Variants in APBB2 observed in about 807,000 individuals in gnomAD.
The protein encoded by APBB2 is amyloid beta precursor protein binding family B member 2.
Under a neutral mutation model 82.5 loss-of-function variants are expected in APBB2, and 38 were observed. The observed-to-expected ratio is 0.46, with a 90% CI of 0.36 to 0.60. APBB2 has a LOEUF of 0.60. Among genes scored for constraint, APBB2 ranks in the 20% least tolerant of loss-of-function variants. The pLI, the probability that APBB2 is intolerant of heterozygous loss-of-function variation, is 0.00. For missense variants in APBB2, 772 were observed against 972.3 expected (o/e 0.79, Z 2.74); for synonymous variants, 341 against 368.2 (o/e 0.93, Z 0.85).
At chr4:41,049,824 C>T (rs1488167032) in intron 4 of APBB2, among the ~76,000 whole-genome samples, 1 of 152,184 alleles carries the variant, frequency 6.6e-6, no homozygotes. Context: ...TTACCCCCAA[C>T]CCGGTGCTCT....
rs1744132520 is a variant in APBB2, at chr4:40,810,177, T to G, written c.*5915A>C. On this transcript the variant is annotated 3_prime_UTR_variant, in exon 18 of 18. Coordinates refer to ENST00000508593, the MANE Select transcript of APBB2 (RefSeq NM_004307.2). ...GTCTACTTCAGCTCTGATATTCTAT[T>G]TTTACTTTCTTACTTGAAGTGAGAA... 6.6e-6 allele frequency: 1 copy of G among 152,210 alleles called. No homozygotes were observed. The highest frequency in any genetic ancestry group is 1.5e-5 in the Non-Finnish European group (1 of 68,034). The allele number at this position is 152,210 out of a possible 1,614,324, so 9.4% of individuals were successfully genotyped here.
Position 40,826,652 on chromosome 4 carries a change from T to C in APBB2, c.1732+480A>G, listed in dbSNP as rs78011873. The C allele has an allele frequency of 1.4e-3, 220 of 156,928 alleles. 2 individuals carry two copies. In the East Asian group the frequency reaches 0.02, roughly 14 times the overall value. The allele number at this position is 156,928 out of a possible 1,614,324, so 9.7% of individuals were successfully genotyped here. Reference sequence around the variant, plus strand: ...CACCGCGCCTGGCCCATGTTTTCTTTTTTTAAGATTAGTCAAGTATAGTAG... The same window carrying C: ...CACCGCGCCTGGCCCATGTTTTCTTCTTTTAAGATTAGTCAAGTATAGTAG... On this transcript the variant is annotated intron_variant, in intron 14 of 17. Coordinates refer to ENST00000508593, the MANE Select transcript of APBB2 (RefSeq NM_004307.2). This position sits in a 1 kb window ranked among gnomAD's most constrained non-coding sequence, Gnocchi z 4.5.
chr4:41,168,994 G>A (rs1048634848), intron 1 of APBB2, among the ~76,000 whole-genome samples: 3 of 151,938 alleles, frequency 2.0e-5, no homozygotes, highest in African/African-American at 4.8e-5. Context: ...AGACCATCCT[G>A]GCCAAGGTAG....
chr4:41,044,907 T>G (rs187321694), intron 4 of APBB2, among the ~76,000 whole-genome samples: 1 of 152,310 alleles, frequency 6.6e-6, no homozygotes, highest in East Asian at 1.9e-4. Flanking sequence ...TTAAAATGTA[T>G]CATTTGCACC....
intron 2 of APBB2, among the ~76,000 whole-genome samples, chr4:41,121,261 T>C (rs1261247094): frequency 6.6e-6 from 1 of 152,248 alleles, no homozygotes; most frequent in African/African-American, 2.4e-5. Flanking sequence ...CTAGCATCAG[T>C]AACATACGTG....
intron 5 of APBB2, among the ~76,000 whole-genome samples, chr4:41,029,867 G>T (rs1229670019): frequency 2.0e-5 from 3 of 152,102 alleles, no homozygotes; most frequent in Non-Finnish European, 2.9e-5. Flanking sequence ...CCCACAAAAA[G>T]AAGAGCTGGC....
intron 12 of APBB2, among the ~76,000 whole-genome samples, chr4:40,860,282 G>A (rs1180224464): frequency 3.3e-5 from 5 of 152,174 alleles, no homozygotes; most frequent in African/African-American, 4.8e-5. Context: ...GTGATCTGGG[G>A]TGGGCGCTTG....
intron 1 of APBB2, among the ~76,000 whole-genome samples, chr4:41,150,707 A>G (rs1290731308): frequency 6.6e-6 from 1 of 152,168 alleles, no homozygotes; most frequent in Non-Finnish European, 1.5e-5. Flanking sequence ...TCCTGAAAGA[A>G]TCTCTACAAC....
chr4:40,830,383 C>T (rs1375529125), intron 13 of APBB2, 80 bp downstream of exon 13: 4 of 935,584 alleles, frequency 4.3e-6, no homozygotes, highest in African/African-American at 3.3e-5. Context: ...TTGATGTGCC[C>T]ACTCCCCCGC....
chr4:40,957,992 C>T (rs961762310), intron 6 of APBB2, among the ~76,000 whole-genome samples: 3 of 152,162 alleles, frequency 2.0e-5, no homozygotes, highest in Non-Finnish European at 4.4e-5. Context: ...CCAAACACAA[C>T]ATAGTCAGGA....
chr4:41,069,200 G>T (rs542276353), intron 3 of APBB2, among the ~76,000 whole-genome samples: 1 of 152,142 alleles, frequency 6.6e-6, no homozygotes, highest in African/African-American at 2.4e-5. Context: ...GAGAGTAAAG[G>T]CAAGAAGGAA....
chr4:40,883,878 G>C (rs191788701), intron 12 of APBB2, among the ~76,000 whole-genome samples: 33 of 152,200 alleles, frequency 2.2e-4, no homozygotes, highest in African/African-American at 7.0e-4. Context: ...TTTTCTTAAT[G>C]CTTTGAAAAT....
chr4:40,994,483 A>G (rs771785538), intron 6 of APBB2, among the ~76,000 whole-genome samples: 1 of 152,086 alleles, frequency 6.6e-6, no homozygotes, highest in Non-Finnish European at 1.5e-5. Context: ...TGTCTCCCAA[A>G]CATAGTATGA....
chr4:40,874,519 G>A (rs6447496), intron 12 of APBB2, among the ~76,000 whole-genome samples: 5 of 151,938 alleles, frequency 3.3e-5, no homozygotes, highest in South Asian at 2.1e-4. Flanking sequence ...GGGGCAGGGC[G>A]GGGGGTGGAG....
chr4:41,093,478 C>A (rs915082940), intron 3 of APBB2, among the ~76,000 whole-genome samples: 2 of 152,084 alleles, frequency 1.3e-5, no homozygotes, highest in Admixed American at 1.3e-4. Context: ...TCCTAATGAA[C>A]CAGGTACATG....
chr4:40,880,257 T>C (rs1426783945), intron 12 of APBB2: 4 of 985,308 alleles, frequency 4.1e-6, no homozygotes, highest in Non-Finnish European at 4.8e-6. Context: ...CTCGACACAA[T>C]GAGACTCCTT....
At chr4:40,850,688 C>T (rs1260888673) in intron 12 of APBB2, among the ~76,000 whole-genome samples, 3 of 152,200 alleles carry the variant, frequency 2.0e-5, no homozygotes, top group African/African-American at 7.2e-5. Context: ...ACAGAGGCCA[C>T]ATGGCTCCAA....
intron 6 of APBB2, among the ~76,000 whole-genome samples, chr4:40,985,759 C>T (rs1800260624): frequency 6.6e-6 from 1 of 152,088 alleles, no homozygotes; most frequent in African/African-American, 2.4e-5. Context: ...AGTATTAAAA[C>T]AACAGAAAGA....
At chr4:41,169,621 G>A (rs1427876991) in intron 1 of APBB2, among the ~76,000 whole-genome samples, 1 of 152,186 alleles carries the variant, frequency 6.6e-6, no homozygotes, top group Non-Finnish European at 1.5e-5. Context: ...CTGGAAAAAT[G>A]ACAATTTAGA....
Sources: allele counts gnomAD v4.1 joint callset (sites outside exome capture counted in the v4.1 genomes callset), GRCh38; gene constraint gnomAD v4.1.1; non-coding constraint Gnocchi (gnomAD v3.1); transcripts MANE v1.5; gene names NCBI Gene and HGNC (gene_info 2026-07-23, HGNC 2026-07-21).